Variants in PDE9A observed in about 807,000 individuals in gnomAD.
PDE9A encodes high affinity cGMP-specific 3',5'-cyclic phosphodiesterase 9A.
PDE9A carries 60 observed loss-of-function variants against 87.4 expected under a neutral mutation model. The ratio of observed to expected loss-of-function variants is 0.69; its 90% CI spans 0.56 to 0.85. The LOEUF (loss-of-function observed/expected upper bound fraction) is 0.85, where lower values mean the gene tolerates loss of function less well. Ranked by LOEUF, PDE9A falls within the 40% of genes least tolerant of loss-of-function variation. The pLI, the probability that PDE9A is intolerant of heterozygous loss-of-function variation, is 0.00. For missense variants in PDE9A, 665 were observed against 779.0 expected, an observed-to-expected ratio of 0.85 and a Z score of 1.74; for synonymous variants, 272 against 279.4, an observed-to-expected ratio of 0.97 and a Z score of 0.27.
intron 1 of PDE9A, among the ~76,000 whole-genome samples, chr21:42,661,604 C>T (rs1280894815): frequency 2.0e-5 from 3 of 152,108 alleles, no homozygotes; most frequent in Admixed American, 1.3e-4. Flanking sequence ...CCATTGTGTG[C>T]GTGGACCACA....
At chr21:42,676,263 A>G (rs536954236) in intron 1 of PDE9A, among the ~76,000 whole-genome samples, 1 of 152,284 alleles carries the variant, frequency 6.6e-6, no homozygotes, top group South Asian at 2.1e-4. Flanking sequence ...AGCCTCATGC[A>G]CTTGTACTCA....
At chr21:42,758,724 C>G (rs2055343447) in intron 10 of PDE9A, 1 of 399,706 alleles carries the variant, frequency 2.5e-6, no homozygotes, top group East Asian at 4.5e-5. Context: ...GACTTCGGAA[C>G]TGGCCCTCCA....
chr21:42,689,709 G>A (rs1245477412), intron 3 of PDE9A: 1 of 985,330 alleles, frequency 1.0e-6, no homozygotes, highest in Non-Finnish European at 1.2e-6. Flanking sequence ...GACAGTATCA[G>A]ACACACCAGA....
At position 42,760,167 on chromosome 21, in the gene PDE9A, C is replaced by T. The variant is rs1056071126; in HGVS notation, c.898-161C>T. Among the ~76,000 whole-genome samples the T allele has an allele frequency of 6.6e-6, 1 of 152,100 alleles. No individual in the cohort carries two copies. Among genetic ancestry groups the T allele is most frequent in the Non-Finnish European group, 1.5e-5 (1 of 67,998 alleles). ...GACGTTCTCAGGGTCCCTGTGTCAC[C>T]TCATTGGTACCTGTGGTAAACCTGG... is the stretch of plus-strand genomic sequence containing the variant. On this transcript the variant is annotated intron_variant, in intron 11 of 19. Coordinates refer to ENST00000291539, the MANE Select transcript of PDE9A (RefSeq NM_002606.3). The surrounding 1 kb of genome is among the most constrained non-coding windows in gnomAD (Gnocchi z 5.2).
At chr21:42,687,667 C>G (rs569694455) in intron 2 of PDE9A, among the ~76,000 whole-genome samples, 1 of 151,892 alleles carries the variant, frequency 6.6e-6, no homozygotes, top group Non-Finnish European at 1.5e-5. Flanking sequence ...TAGACTTGCT[C>G]CAATTCCCAT....
At chr21:42,732,718 C>T (rs1251929990) in intron 6 of PDE9A, among the ~76,000 whole-genome samples, 1 of 152,108 alleles carries the variant, frequency 6.6e-6, no homozygotes, top group Non-Finnish European at 1.5e-5. Flanking sequence ...AGTTCAAGAC[C>T]AGCCTGACCA....
chr21:42,729,488 G>A (rs142489766), intron 4 of PDE9A, among the ~76,000 whole-genome samples: 1 of 152,036 alleles, frequency 6.6e-6, no homozygotes, highest in Non-Finnish European at 1.5e-5. Flanking sequence ...CTGTTACCGG[G>A]ATTTCTATTC....
At chr21:42,724,981 A>G (rs1416490302) in intron 4 of PDE9A, among the ~76,000 whole-genome samples, 2 of 152,222 alleles carry the variant, frequency 1.3e-5, no homozygotes, top group East Asian at 3.9e-4. Flanking sequence ...TGAAGCAAGG[A>G]TAGGTTCACA....
At chr21:42,685,743 C>A (rs143413453) in intron 1 of PDE9A, among the ~76,000 whole-genome samples, 1 of 152,198 alleles carries the variant, frequency 6.6e-6, no homozygotes, top group Non-Finnish European at 1.5e-5. Context: ...GCTGGGATTA[C>A]AGGCGTGAGC....
In PDE9A at chr21:42,704,752, G is replaced by A. The variant is rs2048682909; in HGVS notation, c.262+5741G>A. 6.6e-6 allele frequency among the ~76,000 whole-genome samples: 1 copy of A among 151,784 alleles called. No individual in the cohort carries two copies. Among genetic ancestry groups the A allele is most frequent in the South Asian group, 2.1e-4 (1 of 4,812 alleles). Reference sequence around the variant, plus strand: ...TCTAGACTAGCACAAGGCTCAGGGGGTGGGGGGTGGGGGCAGGGTGCAGGG... The same window carrying A: ...TCTAGACTAGCACAAGGCTCAGGGGATGGGGGGTGGGGGCAGGGTGCAGGG... On this transcript the variant is annotated intron_variant, in intron 4 of 19. Coordinates refer to ENST00000291539, the MANE Select transcript of PDE9A (RefSeq NM_002606.3). The surrounding 1 kb of genome is among the most constrained non-coding windows in gnomAD (Gnocchi z 5.3).
At chr21:42,707,080 T>C (rs1316906010) in intron 4 of PDE9A, among the ~76,000 whole-genome samples, 1 of 152,202 alleles carries the variant, frequency 6.6e-6, no homozygotes, top group African/African-American at 2.4e-5. Context: ...CTCTTGTGAA[T>C]GATGCTGCTG....
chr21:42,769,244 C>T lies in PDE9A; in HGVS notation c.1590+89C>T, dbSNP rs1054618830. Reference sequence around the variant, plus strand: ...ACACACACATATACACATATGCACACAGGTACACACAGACACACACTCATG... The same window carrying T: ...ACACACACATATACACATATGCACATAGGTACACACAGACACACACTCATG... On this transcript the variant is annotated intron_variant, in intron 17 of 19. Transcript: ENST00000291539. 4 of 1,218,272 alleles carry T rather than the reference C, an allele frequency of 3.3e-6. No individual in the cohort carries two copies. The Admixed American group carries it at 5.6e-5, about 17-fold the overall frequency. 75.5% of individuals were successfully genotyped at this position (1,218,272 alleles called of 1,614,324 possible).
chr21:42,725,234 TTTTG>T (rs1212817975), intron 4 of PDE9A, among the ~76,000 whole-genome samples: 2 of 152,074 alleles, frequency 1.3e-5, no homozygotes, highest in African/African-American at 4.8e-5. Context: ...TCTTTTTTGT[TTTTG>T]TTTTTGTTTT....
chr21:42,737,931 C>T (rs2052638619), intron 7 of PDE9A, among the ~76,000 whole-genome samples: 1 of 152,232 alleles, frequency 6.6e-6, no homozygotes, highest in Admixed American at 6.5e-5. Flanking sequence ...ACTTTCAAAG[C>T]TCTTCTTCCT....
chr21:42,773,945 T>G (rs1408440422), intron 19 of PDE9A, among the ~76,000 whole-genome samples: 2 of 130,990 alleles, frequency 1.5e-5, no homozygotes, highest in East Asian at 5.0e-4. Context: ...CTACTAAAAA[T>G]ACAAAAAAAA....
chr21:42,727,489 A>ATGTTTT (rs2051253758), intron 4 of PDE9A, among the ~76,000 whole-genome samples: 1 of 88,340 alleles, frequency 1.1e-5, no homozygotes, highest in Non-Finnish European at 2.0e-5. Flanking sequence ...ACGCCTGGCT[A>ATGTTTT]TTTTTTTTTT....
At position 42,768,184 on chromosome 21, in the gene PDE9A, T is replaced by C. The variant is rs1377017624; in HGVS notation, c.1357-4T>C. 1.3e-6 allele frequency: 2 copies of C among 1,579,340 alleles called. No individual in the cohort carries two copies. Among genetic ancestry groups the C allele is most frequent in the South Asian group, 2.2e-5 (2 of 90,400 alleles). On this transcript the variant is annotated splice_region_variant and splice_polypyrimidine_tract_variant and intron_variant, in intron 15 of 19. Transcript: ENST00000291539. ...TACCTCAATTCCAAAATCTCTTCTT[T>C]CAGCTGAAGATGATTTTGATAAAAT...
At position 42,760,562 on chromosome 21, in the gene PDE9A, C is replaced by G; in HGVS notation, c.1002+130C>G. On this transcript the variant is annotated intron_variant, in intron 12 of 19. Coordinates refer to ENST00000291539, the MANE Select transcript of PDE9A (RefSeq NM_002606.3). The surrounding 1 kb of genome is among the most constrained non-coding windows in gnomAD (Gnocchi z 5.2). The stretch of plus-strand genomic sequence containing the variant: ...GGGGTCCCCAGCCGCTCCGCCCCTC[C>G]TAGGGACGCACCCCTGCCCACCGTT... 1.5e-6 allele frequency: 1 copy of G among 652,390 alleles called. No individual in the cohort carries two copies. Among genetic ancestry groups the G allele is most frequent in the Non-Finnish European group, 2.7e-6 (1 of 367,672 alleles). The allele number at this position is 652,390 out of a possible 1,614,324, so 40.4% of individuals were successfully genotyped here. A position where few individuals can be genotyped will look rare whatever the true frequency, so the allele number is the denominator to read the frequency against.
intron 9 of PDE9A, 74 bp downstream of exon 9, chr21:42,751,271 G>A: frequency 9.6e-7 from 1 of 1,043,638 alleles, no homozygotes; most frequent in Admixed American, 1.7e-5. Context: ...TGGCCCTGCG[G>A]CCAGACCCTG....
Sources: allele counts gnomAD v4.1 joint callset (sites outside exome capture counted in the v4.1 genomes callset), GRCh38; gene constraint gnomAD v4.1.1; non-coding constraint Gnocchi (gnomAD v3.1); transcripts MANE v1.5; gene names NCBI Gene and HGNC (gene_info 2026-07-23, HGNC 2026-07-21).